Variants in CEP20 observed in about 807,000 individuals in gnomAD.
The protein encoded by CEP20 is centrosomal protein 20.
Under a neutral mutation model 20.0 loss-of-function variants are expected in CEP20, and 18 were observed. That is an observed-to-expected ratio of 0.90 (90% CI 0.62 to 1.34). CEP20 has a LOEUF of 1.34. Ranked by LOEUF, CEP20 falls within the 40% of genes most tolerant of loss-of-function variation. The probability of loss-of-function intolerance (pLI) is 0.00; values close to 1 mark genes in which losing one functional copy is unlikely to be tolerated. For missense variants in CEP20, 215 were observed against 201.6 expected, an observed-to-expected ratio of 1.07 and a Z score of -0.40; for synonymous variants, 77 against 73.7, an observed-to-expected ratio of 1.04 and a Z score of -0.23.
At chr16:15,868,212 A>C (rs888544794) in intron 4 of CEP20, among the ~76,000 whole-genome samples, 22 of 150,266 alleles carry the variant, frequency 1.5e-4, no homozygotes, top group African/African-American at 5.4e-4. Context: ...AATGAAAACC[A>C]CTTCAAATAG....
In CEP20 at chr16:15,867,343, A is replaced by C; in HGVS notation, c.*97T>G. 1 of 868,764 alleles carries C rather than the reference A, an allele frequency of 1.2e-6. No individual in the cohort carries two copies. The highest frequency in any genetic ancestry group is 1.6e-6 in the Non-Finnish European group (1 of 612,594). The allele number at this position is 868,764 out of a possible 1,614,324, so 53.8% of individuals were successfully genotyped here. On this transcript the variant is annotated 3_prime_UTR_variant, in exon 5 of 5. Transcript: ENST00000255759. ...GTGTTTTGTAGAAACTCCAATTTCT[A>C]CAAACATTAGTGGTGCATTTTGGTA...
At chr16:15,881,154 G>A (rs1351034641) in intron 2 of CEP20, among the ~76,000 whole-genome samples, 1 of 151,996 alleles carries the variant, frequency 6.6e-6, no homozygotes, top group African/African-American at 2.4e-5. Context: ...TTGTGATCTG[G>A]TAGTAATTAC....
At chr16:15,874,105 T>C (rs1235053983) in intron 3 of CEP20, among the ~76,000 whole-genome samples, 1 of 152,216 alleles carries the variant, frequency 6.6e-6, no homozygotes, top group Non-Finnish European at 1.5e-5. Context: ...GTAAGATTCT[T>C]AACCTCTCCA....
intron 3 of CEP20, 122 bp from the exon 4 acceptor site, chr16:15,873,749 A>G: frequency 8.7e-7 from 1 of 1,151,116 alleles, no homozygotes; most frequent in South Asian, 2.2e-5. Context: ...GTGATTCACT[A>G]GACTTTAAAA....
At chr16:15,885,096 C>T (rs946163376) in intron 1 of CEP20, 6 of 151,842 alleles carry the variant, frequency 4.0e-5, no homozygotes, top group African/African-American at 1.5e-4. Flanking sequence ...ACGAGATCAG[C>T]AAATTGAGAC....
intron 3 of CEP20, among the ~76,000 whole-genome samples, chr16:15,878,789 A>G (rs2045021780): frequency 6.6e-6 from 1 of 152,028 alleles, no homozygotes; most frequent in African/African-American, 2.4e-5. Context: ...ATGAGCCACC[A>G]CGTCTGGCTA....
chr16:15,888,425 C>T (rs976139900), intron 1 of CEP20, 133 bp downstream of exon 1: 12 of 1,197,676 alleles, frequency 1.0e-5, no homozygotes, highest in Admixed American at 2.3e-5. Flanking sequence ...ACGCTCCCCG[C>T]AGGCCCTCAC....
At chr16:15,883,516 C>A (rs909046158) in intron 2 of CEP20, among the ~76,000 whole-genome samples, 2 of 152,026 alleles carry the variant, frequency 1.3e-5, no homozygotes, top group East Asian at 1.9e-4. Context: ...CAGACACGTG[C>A]CACCATGCAT....
chr16:15,883,315 A>T (rs2045156295), intron 2 of CEP20, among the ~76,000 whole-genome samples: 1 of 152,106 alleles, frequency 6.6e-6, no homozygotes, highest in Non-Finnish European at 1.5e-5. Flanking sequence ...ATAAGCCATG[A>T]TCGCACCACT....
intron 2 of CEP20, among the ~76,000 whole-genome samples, chr16:15,882,778 T>TACACA (rs763098969): frequency 2.0e-5 from 1 of 50,552 alleles, no homozygotes; most frequent in Non-Finnish European, 3.6e-5. Context: ...TATCTATCTA[T>TACACA]CTAGATACAC....
rs140560685 is a variant in CEP20 at position 15,884,492 on chromosome 16, C to A, written c.29-287G>T. 2.7e-5 allele frequency among the ~76,000 whole-genome samples: 4 copies of A among 148,906 alleles called. No individual in the cohort carries two copies. In the East Asian group the frequency reaches 6.0e-4, roughly 22 times the overall value. ...CAGGGGCTGTAGTCTAATACATATTCTTTTTTATTTTATTTATTATTTTTT... is the reference window on the plus strand; with the variant it reads ...CAGGGGCTGTAGTCTAATACATATTATTTTTTATTTTATTTATTATTTTTT... On this transcript the variant is annotated intron_variant, in intron 1 of 4. Coordinates refer to ENST00000255759, the MANE Select transcript of CEP20 (RefSeq NM_144600.4).
In CEP20 at chr16:15,879,893, G is replaced by A; in HGVS notation, c.227-5C>T. 1.3e-6 allele frequency: 2 copies of A among 1,572,244 alleles called. No homozygotes were observed. The highest frequency in any genetic ancestry group is 1.4e-5 in the African/African-American group (1 of 72,098). ...GAACTACAGGTTGACCAGATTCTGG[G>A]AGAAATAAATTCATGAGAACACTCA... On this transcript the variant is annotated splice_region_variant and splice_polypyrimidine_tract_variant and intron_variant, in intron 2 of 4. Transcript: ENST00000255759.
intron 3 of CEP20, among the ~76,000 whole-genome samples, chr16:15,878,759 G>A (rs781680965): frequency 2.0e-5 from 3 of 152,016 alleles, no homozygotes; most frequent in Non-Finnish European, 4.4e-5. Flanking sequence ...CTCAGCCTCT[G>A]AAGTGCTGGG....
At position 15,888,449 on chromosome 16, in the gene CEP20, G is replaced by T; in HGVS notation, c.28+109C>A. The T allele has an allele frequency of 1.1e-5, 16 of 1,411,344 alleles. No individual in the cohort carries two copies. In the South Asian group the frequency reaches 1.9e-4, roughly 17 times the overall value. The allele number at this position is 1,411,344 out of a possible 1,614,324, so 87.4% of individuals were successfully genotyped here. A position where few individuals can be genotyped will look rare whatever the true frequency, so the allele number is the denominator to read the frequency against. On this transcript the variant is annotated intron_variant, in intron 1 of 4. Coordinates refer to ENST00000255759, the MANE Select transcript of CEP20 (RefSeq NM_144600.4). The stretch of plus-strand genomic sequence containing the variant: ...GCAGGCCCTCACACCGAAGAATGAC[G>T]CCTGTAAAAGCCAACCCATGTGTTC...
At chr16:15,886,769 G>C (rs2045257241) in intron 1 of CEP20, among the ~76,000 whole-genome samples, 3 of 152,178 alleles carry the variant, frequency 2.0e-5, no homozygotes, top group South Asian at 4.1e-4. Context: ...GTTTTCACCG[G>C]GTTTCTTTTG....
chr16:15,874,261 G>A (rs1313075299), intron 3 of CEP20, among the ~76,000 whole-genome samples: 1 of 152,096 alleles, frequency 6.6e-6, no homozygotes, highest in East Asian at 1.9e-4. Context: ...GTTAGCTCCT[G>A]TGTAGCTAAC....
intron 3 of CEP20, among the ~76,000 whole-genome samples, chr16:15,875,145 A>C (rs1444436789): frequency 6.6e-6 from 1 of 152,176 alleles, no homozygotes; most frequent in Non-Finnish European, 1.5e-5. Flanking sequence ...AAATTCTGGA[A>C]TAATATCACA....
intron 4 of CEP20, among the ~76,000 whole-genome samples, chr16:15,871,269 A>C (rs1040922737): frequency 6.6e-6 from 1 of 151,596 alleles, no homozygotes; most frequent in African/African-American, 2.4e-5. Flanking sequence ...TTTAAATAAT[A>C]ATAATAAAAT....
chr16:15,869,489 T>G (rs1207599167), intron 4 of CEP20, among the ~76,000 whole-genome samples: 3 of 152,028 alleles, frequency 2.0e-5, no homozygotes, highest in East Asian at 3.9e-4. Context: ...TTTTGTATTT[T>G]CAGTAGAGAC....
Sources: allele counts gnomAD v4.1 joint callset (sites outside exome capture counted in the v4.1 genomes callset), GRCh38; gene constraint gnomAD v4.1.1; transcripts MANE v1.5; gene names NCBI Gene and HGNC (gene_info 2026-07-23, HGNC 2026-07-21).